The following DLG2 variants were observed in gnomAD, a reference collection of about 807,000 sequenced individuals.
DLG2 encodes the protein disks large homolog 2.
DLG2 carries 45 observed loss-of-function variants against 132.5 expected under a neutral mutation model. The observed-to-expected ratio is 0.34, with a 90% CI of 0.27 to 0.44. The LOEUF (loss-of-function observed/expected upper bound fraction) is 0.44, where lower values mean the gene tolerates loss of function less well. Ranked by LOEUF, DLG2 falls within the 20% of genes least tolerant of loss-of-function variation. The probability of loss-of-function intolerance (pLI) is 1.00; values close to 1 mark genes in which losing one functional copy is unlikely to be tolerated. For synonymous variants in DLG2, 424 were observed against 419.6 expected (o/e 1.01, Z -0.13); for missense variants, 1,045 against 1,196.9 (o/e 0.87, Z 1.87).
chr11:85,103,961 G>A (rs746651719), intron 6 of DLG2, among the ~76,000 whole-genome samples: 24 of 151,676 alleles, frequency 1.6e-4, no homozygotes, highest in Admixed American at 2.6e-4. Context: ...ATGAAAACAC[G>A]GTCACATCAC....
At chr11:85,008,238 T>C (rs1029858885) in intron 6 of DLG2, among the ~76,000 whole-genome samples, 1 of 152,184 alleles carries the variant, frequency 6.6e-6, no homozygotes, top group African/African-American at 2.4e-5. Context: ...CTGTGTAAAC[T>C]ACTCCATGGA....
intron 18 of DLG2, among the ~76,000 whole-genome samples, chr11:83,695,638 C>T (rs1345430285): frequency 6.6e-6 from 1 of 152,132 alleles, no homozygotes; most frequent in Non-Finnish European, 1.5e-5. Context: ...ACTTGGGAGG[C>T]TGAGGCAGGA....
At chr11:83,804,151 C>T (rs959973048) in intron 17 of DLG2, among the ~76,000 whole-genome samples, 2 of 152,056 alleles carry the variant, frequency 1.3e-5, no homozygotes, top group Non-Finnish European at 2.9e-5. Context: ...GTCCCCTCTT[C>T]CCAATTACTT....
At chr11:83,605,149 A>G (rs1427159279) in intron 19 of DLG2, among the ~76,000 whole-genome samples, 2 of 152,162 alleles carry the variant, frequency 1.3e-5, no homozygotes, top group African/African-American at 4.8e-5. Context: ...AAAATGCCCA[A>G]TTCAATTTTG....
chr11:84,329,888 T>C (rs886979351), intron 7 of DLG2, among the ~76,000 whole-genome samples: 3 of 152,124 alleles, frequency 2.0e-5, no homozygotes, highest in Non-Finnish European at 4.4e-5. Context: ...ATGGACAAGG[T>C]ATGAACTTCA....
intron 9 of DLG2, among the ~76,000 whole-genome samples, chr11:84,102,316 G>A (rs1254443141): frequency 6.6e-6 from 1 of 151,974 alleles, no homozygotes; most frequent in East Asian, 1.9e-4. Flanking sequence ...TTTTTTTGGA[G>A]CCTTGTCTAG....
chr11:83,722,896 A>G (rs762489466), intron 18 of DLG2, among the ~76,000 whole-genome samples: 5 of 152,222 alleles, frequency 3.3e-5, no homozygotes, highest in East Asian at 1.9e-4. Context: ...TGAGCTGGCA[A>G]TGATTTTTAA....
At chr11:84,537,295 C>T (rs887504260) in intron 6 of DLG2, among the ~76,000 whole-genome samples, 8 of 151,840 alleles carry the variant, frequency 5.3e-5, no homozygotes, top group African/African-American at 1.5e-4. Flanking sequence ...TTAGTAGAGC[C>T]GGGGTTTCAC....
intron 7 of DLG2, among the ~76,000 whole-genome samples, chr11:84,533,653 C>T (rs1261456885): frequency 6.6e-6 from 1 of 151,934 alleles, no homozygotes; most frequent in East Asian, 1.9e-4. Context: ...CCAGAGAACA[C>T]GGGAGACACT....
Position 85,610,967 on chromosome 11 carries a change from T to C in DLG2, c.-92-12179A>G, listed in dbSNP as rs553993625. ...AGGAGCCCCAGAGGGCAAATACTCA[T>C]CTAGTAGAATGAGAACCAGGGTCAG... On this transcript the variant is annotated intron_variant, in intron 2 of 27. Transcript: ENST00000376104. 2.6e-5 allele frequency among the ~76,000 whole-genome samples: 4 copies of C among 152,258 alleles called. No homozygotes were observed. In the South Asian group the frequency reaches 8.3e-4, roughly 32 times the overall value.
At chr11:84,914,271 T>C (rs376148514) in intron 6 of DLG2, among the ~76,000 whole-genome samples, 1 of 152,108 alleles carries the variant, frequency 6.6e-6, no homozygotes, top group East Asian at 1.9e-4. Context: ...CAGCTGAAAT[T>C]TGAGAAATAT....
chr11:83,510,908 T>C (rs899719252), intron 21 of DLG2, among the ~76,000 whole-genome samples: 1 of 142,158 alleles, frequency 7.0e-6, no homozygotes, highest in Non-Finnish European at 1.5e-5. Flanking sequence ...GATAAAAGTA[T>C]ATATCCTCAC....
chr11:83,746,152 T>G (rs1210243033), intron 18 of DLG2, among the ~76,000 whole-genome samples: 1 of 152,206 alleles, frequency 6.6e-6, no homozygotes, highest in African/African-American at 2.4e-5. Flanking sequence ...GTTCAACCAT[T>G]GTGGAAGACA....
intron 6 of DLG2, among the ~76,000 whole-genome samples, chr11:85,101,295 GAA>G (rs1477489288): frequency 6.6e-6 from 1 of 152,004 alleles, no homozygotes; most frequent in African/African-American, 2.4e-5. Context: ...AGATATATCT[GAA>G]AAGTCTCTAC....
chr11:84,858,293 T>C (rs1261339516), intron 6 of DLG2, among the ~76,000 whole-genome samples: 1 of 151,938 alleles, frequency 6.6e-6, no homozygotes, highest in African/African-American at 2.4e-5. Context: ...ATTCCTACTA[T>C]TAACAAGTAG....
chr11:84,399,046 A>C (rs1169623662), intron 7 of DLG2, among the ~76,000 whole-genome samples: 5 of 152,244 alleles, frequency 3.3e-5, no homozygotes, highest in African/African-American at 1.2e-4. Flanking sequence ...TTGGTGTTCA[A>C]AAAATGAAGG....
At chr11:84,168,922 T>C (rs1051235867) in intron 8 of DLG2, among the ~76,000 whole-genome samples, 1 of 152,136 alleles carries the variant, frequency 6.6e-6, no homozygotes, top group Non-Finnish European at 1.5e-5. Context: ...TCTTTTGGAG[T>C]ATCTCTTATA....
At chr11:84,250,890 A>T (rs1038215442) in intron 8 of DLG2, among the ~76,000 whole-genome samples, 1 of 152,196 alleles carries the variant, frequency 6.6e-6, no homozygotes, top group Non-Finnish European at 1.5e-5. Context: ...CTATCACAGA[A>T]ATTGACTTGA....
intron 22 of DLG2, chr11:83,480,254 T>C: frequency 1.2e-6 from 1 of 828,226 alleles, no homozygotes; most frequent in South Asian, 1.5e-5. Flanking sequence ...AGCCATTTGC[T>C]TTGAATACAG....
Sources: gnomAD v4.1 joint callset for allele counts (sites outside exome capture counted in the v4.1 genomes callset) on GRCh38, gnomAD v4.1.1 for gene constraint, MANE v1.5 for transcripts, NCBI Gene and HGNC (gene_info 2026-07-23, HGNC 2026-07-21) for gene names.